Variants in CFAP221 observed in about 807,000 individuals in gnomAD.
The protein encoded by CFAP221 is cilia and flagella associated protein 221, also known as cilia- and flagella-associated protein 221.
CFAP221 carries 97 observed loss-of-function variants against 113.1 expected under a neutral mutation model. The observed-to-expected ratio is 0.86, with a 90% CI of 0.73 to 1.02. The LOEUF is 1.02. CFAP221 is among the 50% of genes least tolerant of loss of function. The probability of loss-of-function intolerance (pLI) is 0.00; values close to 1 mark genes in which losing one functional copy is unlikely to be tolerated. For missense variants in CFAP221, 1,025 were observed against 1,013.4 expected, an observed-to-expected ratio of 1.01 and a Z score of -0.16; for synonymous variants, 331 against 354.4, an observed-to-expected ratio of 0.93 and a Z score of 0.74.
intron 16 of CFAP221, among the ~76,000 whole-genome samples, chr2:119,628,294 G>GGTGTGT (rs70949303): frequency 0.049 from 6,793 of 137,550 alleles, 250 homozygotes; most frequent in Non-Finnish European, 0.065. Flanking sequence ...CTCTCTGGGG[G>GGTGTGT]GTGTGTGTGT....
Position 119,601,235 on chromosome 2 carries a change from G to T in CFAP221, c.649G>T (p.Gly217Trp), listed in dbSNP as rs562010904. 6 of 1,525,178 alleles carry T rather than the reference G, an allele frequency of 3.9e-6. No homozygotes were observed. The South Asian group carries it at 7.3e-5, about 18-fold the overall frequency. 94.5% of individuals were successfully genotyped at this position (1,525,178 alleles called of 1,614,324 possible). Residue 217 changes from glycine to tryptophan, a missense_variant, in exon 8 of 24, where the codon GGG becomes TGG. Gly to Trp is a radical substitution (Grantham distance 184). Coordinates refer to ENST00000413369, the MANE Select transcript of CFAP221 (RefSeq NM_001271049.2). ...CCTCTCAGGAATAATTCCGGCTAAT[G>T]GGAAGATGACTGTGACTATTAAGTT... Reference protein sequence around the residue: ...EPTSGIIPANGKMTVTIKFTP... With the variant: ...EPTSGIIPANWKMTVTIKFTP...
Position 119,562,071 on chromosome 2 carries a change from T to G in CFAP221, c.484T>G (p.Phe162Val), listed in dbSNP as rs1187198374. 11 of 1,535,028 alleles carry G rather than the reference T, an allele frequency of 7.2e-6. No homozygotes were observed. The highest frequency in any genetic ancestry group is 3.9e-5 in the Admixed American group (2 of 50,798). Residue 162 changes from phenylalanine to valine, a missense_variant, in exon 6 of 24, where the codon TTT becomes GTT. Transcript: ENST00000413369. ...CTATCCAGTCATGAACTCACTAGACTTTCCTTCATTTATAAATCTGTCAAA... is the reference window on the plus strand; with the variant it reads ...CTATCCAGTCATGAACTCACTAGACGTTCCTTCATTTATAAATCTGTCAAA... ...HAYPVMNSLD[F>V]PSFINLSNVL...
At chr2:119,622,708 T>G (rs897016963) in intron 14 of CFAP221, among the ~76,000 whole-genome samples, 6 of 152,210 alleles carry the variant, frequency 3.9e-5, no homozygotes, top group Admixed American at 6.5e-5. Context: ...GCAAGGCTGC[T>G]TCAACATATG....
At chr2:119,580,747 G>C (rs1221763817) in intron 6 of CFAP221, 1 of 152,302 alleles carries the variant, frequency 6.6e-6, no homozygotes, top group Admixed American at 6.5e-5. Flanking sequence ...TGGGTTGCAG[G>C]GTGGAGCCAC....
chr2:119,578,025 G>C (rs1682575508), intron 6 of CFAP221, among the ~76,000 whole-genome samples: 1 of 152,198 alleles, frequency 6.6e-6, no homozygotes, highest in South Asian at 2.1e-4. Flanking sequence ...CCACTCTCAA[G>C]ATGGTCCACT....
At position 119,652,007 on chromosome 2, in the gene CFAP221, G is replaced by T; in HGVS notation, c.2352G>T (p.Leu784Phe). 6.2e-7 allele frequency: 1 copy of T among 1,613,128 alleles called. No homozygotes were observed. Among genetic ancestry groups the T allele is most frequent in the Non-Finnish European group, 8.5e-7 (1 of 1,179,568 alleles). ...ELCEQNVEVM[L>F]TPEMIKVEFP... ...GTGAGCAGAATGTAGAAGTTATGTT[G>T]ACTCCAGAAATGATCAAAGTGGAAT... Residue 784 changes from leucine (L) to phenylalanine (F), a missense_variant, in exon 23 of 24, where the codon TTG (leucine) becomes TTT (phenylalanine). Physicochemically the swap from Leu to Phe is conservative, Grantham distance 22. Transcript: ENST00000413369.
intron 2 of CFAP221, among the ~76,000 whole-genome samples, chr2:119,548,319 CCTT>C (rs1248166229): frequency 1.3e-5 from 2 of 152,172 alleles, no homozygotes; most frequent in Non-Finnish European, 2.9e-5. Context: ...AGTCTTACCT[CCTT>C]CATCTGTAAA....
At chr2:119,645,369 T>G (rs1478330460) in intron 21 of CFAP221, among the ~76,000 whole-genome samples, 1 of 151,928 alleles carries the variant, frequency 6.6e-6, no homozygotes, top group East Asian at 1.9e-4. Context: ...GTAGCCAGCT[T>G]GGTCTTCTAA....
At position 119,605,251 on chromosome 2, in the gene CFAP221, A is replaced by T. The variant is rs766045453; in HGVS notation, c.1095A>T (p.Arg365Ser). 17 of 1,614,220 alleles carry T rather than the reference A, an allele frequency of 1.1e-5. No individual in the cohort carries two copies. Among genetic ancestry groups the T allele is most frequent in the Non-Finnish European group, 1.4e-5 (17 of 1,180,012 alleles). ...MKEALFEQKV[R>S]QDIHEEMENH... ...AGGCACTCTTTGAACAGAAAGTCAG[A>T]CAGGACATTCACGAAGAGATGGAAA... Residue 365 changes from arginine to serine, a missense_variant, in exon 11 of 24, where the codon AGA becomes AGT. Arg to Ser is a moderately radical substitution (Grantham distance 110). Coordinates refer to ENST00000413369, the MANE Select transcript of CFAP221 (RefSeq NM_001271049.2).
At chr2:119,567,287 C>T (rs760000060) in intron 6 of CFAP221, among the ~76,000 whole-genome samples, 2 of 152,130 alleles carry the variant, frequency 1.3e-5, no homozygotes, top group South Asian at 4.1e-4. Flanking sequence ...CTCCTCCAAC[C>T]CCCACAACCA....
In CFAP221 at chr2:119,630,866, G is replaced by A. The variant is rs1242682836; in HGVS notation, c.1939G>A (p.Ala647Thr). ...VLSMKPPEAL[A>T]MSLDYDPLYV... ...GAGCATGAAACCACCTGAGGCCTTA[G>A]CCATGTCTCTAGATTATGATCCTCT... The change falls in exon 19 of 24, where the codon GCC becomes ACC. Residue 647 changes from alanine to threonine, a missense_variant. Physicochemically the swap from Ala to Thr is moderately conservative, Grantham distance 58 (BLOSUM62 0). Coordinates refer to ENST00000413369, the MANE Select transcript of CFAP221 (RefSeq NM_001271049.2). 1 of 1,613,714 alleles carries A rather than the reference G, an allele frequency of 6.2e-7. No homozygotes were observed. The highest frequency in any genetic ancestry group is 1.3e-5 in the African/African-American group (1 of 75,052).
At position 119,638,409 on chromosome 2, in the gene CFAP221, C is replaced by T. The variant is rs752356379; in HGVS notation, c.2125C>T (p.His709Tyr). Residue 709 changes from histidine (H) to tyrosine (Y), a missense_variant, in exon 20 of 24, where the codon CAT (histidine) becomes TAT (tyrosine). Coordinates refer to ENST00000413369, the MANE Select transcript of CFAP221 (RefSeq NM_001271049.2). The stretch of plus-strand genomic sequence containing the variant: ...TCCTGTCACCCAAAAGCAGTTTCTC[C>T]ATCACACGGTAATGTCATCACCAGG... ...SIPVTQKQFL[H>Y]HTDIIPGIMH... The T allele has an allele frequency of 5.0e-6, 8 of 1,614,112 alleles. No homozygotes were observed. The Admixed American group carries it at 8.3e-5, about 17-fold the overall frequency.
chr2:119,569,351 CT>C (rs1200034532), intron 6 of CFAP221, among the ~76,000 whole-genome samples: 2 of 152,058 alleles, frequency 1.3e-5, no homozygotes, highest in Non-Finnish European at 2.9e-5. Context: ...ATCTCCTGAC[CT>C]TGTGATCCAC....
intron 10 of CFAP221, 90 bp from the exon 11 acceptor site, chr2:119,605,091 G>C: frequency 6.9e-7 from 1 of 1,454,672 alleles, no homozygotes; most frequent in Non-Finnish European, 9.6e-7. Context: ...TTAGATTGCT[G>C]TTATGCCTCG....
At chr2:119,601,072 T>C in intron 7 of CFAP221, 146 bp from the exon 8 acceptor site, 1 of 809,336 alleles carries the variant, frequency 1.2e-6, no homozygotes, top group South Asian at 2.9e-5. Flanking sequence ...AGCCAAAAGT[T>C]ATGTGTGGAT....
chr2:119,651,913 A>T lies in CFAP221; in HGVS notation c.2319-61A>T, dbSNP rs752908168. ...AACTCCTAAATGATCACAATATTTCATTCCTATTTTTACACTGGGAAGGAA... is the reference window on the plus strand; with the variant it reads ...AACTCCTAAATGATCACAATATTTCTTTCCTATTTTTACACTGGGAAGGAA... On this transcript the variant is annotated intron_variant, in intron 22 of 23. Transcript: ENST00000413369. 5 of 1,295,632 alleles carry T rather than the reference A, an allele frequency of 3.9e-6. No homozygotes were observed. In the South Asian group the frequency reaches 6.7e-5, roughly 17 times the overall value. 80.3% of individuals were successfully genotyped at this position (1,295,632 alleles called of 1,614,324 possible). A position where few individuals can be genotyped will look rare whatever the true frequency, so the allele number is the denominator to read the frequency against.
intron 13 of CFAP221, among the ~76,000 whole-genome samples, chr2:119,613,859 A>G (rs958282437): frequency 6.6e-6 from 1 of 152,202 alleles, no homozygotes; most frequent in Non-Finnish European, 1.5e-5. Flanking sequence ...CTATTACATC[A>G]TCATGCTGCT....
chr2:119,637,338 C>T (rs913979954), intron 19 of CFAP221, among the ~76,000 whole-genome samples: 5 of 152,184 alleles, frequency 3.3e-5, no homozygotes, highest in African/African-American at 4.8e-5. Context: ...GACTCACCAC[C>T]GCTGGGCCCT....
intron 7 of CFAP221, among the ~76,000 whole-genome samples, chr2:119,598,991 G>C (rs928156688): frequency 2.6e-5 from 4 of 152,132 alleles, no homozygotes; most frequent in African/African-American, 7.2e-5. Context: ...GCTATTTTCT[G>C]ACCAAGTGGG....
Sources: gnomAD v4.1 joint callset for allele counts (sites outside exome capture counted in the v4.1 genomes callset) on GRCh38, gnomAD v4.1.1 for gene constraint, MANE v1.5 for transcripts, NCBI Gene and HGNC (gene_info 2026-07-23, HGNC 2026-07-21) for gene names.